The following CSMD1 variants were observed in gnomAD, a reference collection of about 807,000 sequenced individuals.
CSMD1 encodes CUB and sushi domain-containing protein 1.
In CSMD1, 213 loss-of-function variants were observed where a neutral mutation model predicts 417.5. The observed-to-expected ratio is 0.51, with a 90% CI of 0.46 to 0.57. The LOEUF (loss-of-function observed/expected upper bound fraction) is 0.57. CSMD1 is among the 20% of genes least tolerant of loss of function. The pLI, the probability that CSMD1 is intolerant of heterozygous loss-of-function variation, is 0.00. For missense variants in CSMD1, 6,923 were observed against 4,529.7 expected (o/e 1.53, Z -15.17); for synonymous variants, 2,862 against 1,736.8 (o/e 1.65, Z -16.11).
Position 4,897,254 on chromosome 8 carries a change from C to G in CSMD1, c.85+97078G>C, listed in dbSNP as rs186901475. Reference sequence around the variant, plus strand: ...TTCTACTGTGTCAAAATCCTTTCATCGTATCAACCAAAAATTTAAGTGTTC... The same window carrying G: ...TTCTACTGTGTCAAAATCCTTTCATGGTATCAACCAAAAATTTAAGTGTTC... On this transcript the variant is annotated intron_variant, in intron 1 of 69. Coordinates refer to ENST00000635120, the MANE Select transcript of CSMD1 (RefSeq NM_033225.6). Among the ~76,000 whole-genome samples, 91 of 151,990 alleles carry G rather than the reference C, an allele frequency of 6.0e-4. 2 individuals are homozygous for G. Among genetic ancestry groups the G allele is most frequent in the Non-Finnish European group, 1.9e-4 (13 of 67,972 alleles).
intron 3 of CSMD1, among the ~76,000 whole-genome samples, chr8:4,132,160 CTGTT>C (rs1328487281): frequency 2.7e-5 from 4 of 149,718 alleles, no homozygotes; most frequent in Non-Finnish European, 5.9e-5. Context: ...CAGCTGTTGC[CTGTT>C]TGTTTATGCG....
intron 3 of CSMD1, among the ~76,000 whole-genome samples, chr8:4,213,436 T>C (rs1042573706): frequency 6.6e-5 from 10 of 152,172 alleles, no homozygotes; most frequent in African/African-American, 2.4e-4. Context: ...TAATAGCTAA[T>C]ATGTGAGAAC....
chr8:4,846,237 T>C (rs912585820), intron 1 of CSMD1, among the ~76,000 whole-genome samples: 4 of 152,218 alleles, frequency 2.6e-5, no homozygotes, highest in Admixed American at 6.5e-5. Context: ...ACAAAAAATA[T>C]AGCTCTTACT....
chr8:4,431,727 A>G (rs939915535), intron 2 of CSMD1, among the ~76,000 whole-genome samples: 3 of 152,356 alleles, frequency 2.0e-5, no homozygotes, highest in South Asian at 2.1e-4. Context: ...CAATGGAATC[A>G]ATTGTTGTTC....
intron 10 of CSMD1, among the ~76,000 whole-genome samples, chr8:3,494,112 C>A (rs935716008): frequency 6.6e-6 from 1 of 152,158 alleles, no homozygotes; most frequent in Non-Finnish European, 1.5e-5. Context: ...CCAGAATGCT[C>A]TGCAATAAAT....
chr8:3,256,196 T>G (rs1800638064), intron 26 of CSMD1, among the ~76,000 whole-genome samples: 1 of 150,972 alleles, frequency 6.6e-6, no homozygotes, highest in Admixed American at 6.6e-5. Context: ...GGCGTGGTGG[T>G]GGCACCTGTA....
intron 7 of CSMD1, among the ~76,000 whole-genome samples, chr8:3,651,157 T>C (rs1217800742): frequency 6.6e-6 from 1 of 152,200 alleles, no homozygotes; most frequent in Non-Finnish European, 1.5e-5. Flanking sequence ...TGCCGGTCTT[T>C]GTACTTTCCC....
intron 11 of CSMD1, among the ~76,000 whole-genome samples, chr8:3,491,239 T>C (rs1317197257): frequency 6.6e-6 from 1 of 152,170 alleles, no homozygotes; most frequent in African/African-American, 2.4e-5. Flanking sequence ...TGGAGCAGTA[T>C]CACATCACTG....
intron 10 of CSMD1, among the ~76,000 whole-genome samples, chr8:3,555,288 G>C (rs994142870): frequency 6.6e-6 from 1 of 152,132 alleles, no homozygotes; most frequent in African/African-American, 2.4e-5. Context: ...GATTTAGGCA[G>C]TATTTCAATA....
At chr8:3,488,041 T>C (rs1238368427) in intron 11 of CSMD1, among the ~76,000 whole-genome samples, 2 of 112,060 alleles carry the variant, frequency 1.8e-5, no homozygotes, top group African/African-American at 7.3e-5. Flanking sequence ...AAGAGGTGAC[T>C]TTTTTTTTCT....
At chr8:3,470,941 G>A (rs952558557) in intron 11 of CSMD1, among the ~76,000 whole-genome samples, 1 of 152,176 alleles carries the variant, frequency 6.6e-6, no homozygotes, top group Non-Finnish European at 1.5e-5. Flanking sequence ...TATTTGGACT[G>A]ATACTAGTTT....
At chr8:3,332,763 C>T (rs370782199) in intron 23 of CSMD1, among the ~76,000 whole-genome samples, 20 of 152,202 alleles carry the variant, frequency 1.3e-4, no homozygotes, top group East Asian at 1.9e-4. Context: ...GAAACTCTGA[C>T]GGGCAGATGT....
At position 3,359,152 on chromosome 8, in the gene CSMD1, C is replaced by G; in HGVS notation, c.3304G>C (p.Ala1102Pro). The G allele has an allele frequency of 1.2e-6, 2 of 1,613,748 alleles. No individual in the cohort carries two copies. Among genetic ancestry groups the G allele is most frequent in the Non-Finnish European group, 1.7e-6 (2 of 1,179,772 alleles). The change falls in exon 21 of 70, where the codon GCC becomes CCC. Residue 1102 changes from alanine to proline, a missense_variant and splice_region_variant. Coordinates refer to ENST00000635120, the MANE Select transcript of CSMD1 (RefSeq NM_033225.6). Reference protein sequence around the residue: ...VWSAPLPRCVAECGASVKGNE... With the variant: ...VWSAPLPRCVPECGASVKGNE... ...GAAATGAAAGCGTGTGACCACCTAC[C>G]CACACACCTTGGCAGAGGTGCACTC...
At chr8:4,316,477 C>T (rs865809926) in intron 3 of CSMD1, among the ~76,000 whole-genome samples, 1 of 152,044 alleles carries the variant, frequency 6.6e-6, no homozygotes, top group South Asian at 2.1e-4. Flanking sequence ...TGCTGAAAAC[C>T]TCAACGATTT....
chr8:3,844,002 C>T (rs534622684), intron 5 of CSMD1, among the ~76,000 whole-genome samples: 5 of 152,240 alleles, frequency 3.3e-5, no homozygotes, highest in Non-Finnish European at 7.3e-5. Flanking sequence ...TAGCATCCAG[C>T]ACTGATAATA....
At chr8:3,965,406 A>C (rs1186990776) in intron 5 of CSMD1, among the ~76,000 whole-genome samples, 2 of 152,176 alleles carry the variant, frequency 1.3e-5, no homozygotes, top group Non-Finnish European at 2.9e-5. Context: ...CCTTAGAGAC[A>C]TGGTTTTCGT....
At chr8:2,974,389 A>G in intron 56 of CSMD1, 62 bp downstream of exon 56, 1 of 1,357,468 alleles carries the variant, frequency 7.4e-7, no homozygotes, top group African/African-American at 1.5e-5. Context: ...ATTATTTGAA[A>G]TCACTATTTG....
At chr8:4,342,054 A>G (rs1352110293) in intron 3 of CSMD1, among the ~76,000 whole-genome samples, 1 of 152,118 alleles carries the variant, frequency 6.6e-6, no homozygotes, top group Non-Finnish European at 1.5e-5. Context: ...AATTTGGAGC[A>G]TCCTGAAGAT....
At chr8:3,325,254 C>G (rs186779832) in intron 23 of CSMD1, among the ~76,000 whole-genome samples, 87 of 152,326 alleles carry the variant, frequency 5.7e-4, no homozygotes, top group African/African-American at 2.0e-3. Flanking sequence ...TGCAATGCAT[C>G]CATGACTGAC....
Sources: allele counts gnomAD v4.1 joint callset (sites outside exome capture counted in the v4.1 genomes callset), GRCh38; gene constraint gnomAD v4.1.1; transcripts MANE v1.5; gene names NCBI Gene and HGNC (gene_info 2026-07-23, HGNC 2026-07-21).